MTUS1: variants seen among roughly 807,000 people sequenced by gnomAD.
The protein encoded by MTUS1 is microtubule associated scaffold protein 1.
Under a neutral mutation model 120.8 loss-of-function variants are expected in MTUS1, and 109 were observed. The ratio of observed to expected loss-of-function variants is 0.90; its 90% CI spans 0.77 to 1.06. The LOEUF (loss-of-function observed/expected upper bound fraction) is 1.06. Ranked by LOEUF, MTUS1 falls within the 50% of genes least tolerant of loss-of-function variation. The pLI, the probability that MTUS1 is intolerant of heterozygous loss-of-function variation, is 0.00. For synonymous variants in MTUS1, 737 were observed against 550.5 expected (o/e 1.34, Z -4.74); for missense variants, 2,210 against 1,486.3 (o/e 1.49, Z -8.01).
intron 6 of MTUS1, among the ~76,000 whole-genome samples, chr8:17,695,699 A>AT (rs889156535): frequency 2.0e-5 from 3 of 151,972 alleles, no homozygotes; most frequent in African/African-American, 4.8e-5. Flanking sequence ...TTACAGAACT[A>AT]TTTTTTTTAA....
chr8:17,710,121 T>A (rs2130990259), intron 6 of MTUS1, among the ~76,000 whole-genome samples: 1 of 152,332 alleles, frequency 6.6e-6, no homozygotes, highest in Middle Eastern at 3.4e-3. Context: ...GCCTCAATGT[T>A]GGTGGCTGCT....
intron 2 of MTUS1, 124 bp downstream of exon 2, chr8:17,753,593 C>A: frequency 1.5e-6 from 1 of 649,172 alleles, no homozygotes; most frequent in Non-Finnish European, 2.5e-6. Flanking sequence ...GAATTAACAA[C>A]TAAATGTAAA....
intron 1 of MTUS1, among the ~76,000 whole-genome samples, chr8:17,766,140 C>G (rs2049469602): frequency 6.6e-6 from 1 of 152,074 alleles, no homozygotes; most frequent in South Asian, 2.1e-4. Context: ...TTTTTGTCAC[C>G]AAGTTCAAGT....
At position 17,713,292 on chromosome 8, in the gene MTUS1, T is replaced by G. The variant is rs773591200; in HGVS notation, c.2585-40A>C. 3 of 1,169,990 alleles carry G rather than the reference T, an allele frequency of 2.6e-6. No individual in the cohort carries two copies. In the East Asian group the frequency reaches 7.1e-5, roughly 28 times the overall value. The allele number at this position is 1,169,990 out of a possible 1,614,324, so 72.5% of individuals were successfully genotyped here. On this transcript the variant is annotated intron_variant, in intron 5 of 14. Transcript: ENST00000693296. ...AAACATGTAAAATACATATGTTTTA[T>G]TTGACATATCACATAAAAACAAACC...
At position 17,653,432 on chromosome 8, in the gene MTUS1, G is replaced by A. The variant is rs756186163; in HGVS notation, c.3281C>T (p.Ser1094Leu). ...ATATTGACATTCACCCACCTCTAGC[G>A]ATTCCTGCTTCTCAGAAAGTAAATC... Reference protein sequence around the residue: ...LEDLLSEKQESLEKQINDLKS... With the variant: ...LEDLLSEKQELLEKQINDLKS... The change falls in exon 11 of 15, where the codon TCG becomes TTG. Residue 1094 changes from serine to leucine, a missense_variant. Physicochemically the swap from Ser to Leu is moderately radical, Grantham distance 145. Transcript: ENST00000693296. The A allele has an allele frequency of 8.1e-6, 13 of 1,608,942 alleles. No individual in the cohort carries two copies. Among genetic ancestry groups the A allele is most frequent in the African/African-American group, 4.0e-5 (3 of 74,612 alleles).
chr8:17,797,584 T>C (rs1278521784), intron 1 of MTUS1, among the ~76,000 whole-genome samples: 1 of 152,168 alleles, frequency 6.6e-6, no homozygotes, highest in Non-Finnish European at 1.5e-5. Context: ...CATCTAGTCC[T>C]TCATTTCCTG....
At chr8:17,654,756 G>A (rs1807834295) in intron 9 of MTUS1, 90 bp from the exon 10 acceptor site, 2 of 859,432 alleles carry the variant, frequency 2.3e-6, no homozygotes, top group Non-Finnish European at 3.9e-6. Context: ...AGACGTCACA[G>A]CTTCACAGGT....
At chr8:17,765,544 C>G (rs1208766659) in intron 1 of MTUS1, among the ~76,000 whole-genome samples, 1 of 149,016 alleles carries the variant, frequency 6.7e-6, no homozygotes, top group African/African-American at 2.5e-5. Flanking sequence ...CACTTGAACC[C>G]AGAGGCACAA....
At chr8:17,751,733 C>A (rs937516054) in intron 2 of MTUS1, among the ~76,000 whole-genome samples, 4 of 151,758 alleles carry the variant, frequency 2.6e-5, no homozygotes, top group African/African-American at 9.7e-5. Flanking sequence ...TGGTGCACGC[C>A]TGTAGTCCCA....
Position 17,653,638 on chromosome 8 carries a change from A to G in MTUS1, c.3215-140T>C, listed in dbSNP as rs559823384. 5 of 631,254 alleles carry G rather than the reference A, an allele frequency of 7.9e-6. No homozygotes were observed. In the East Asian group the frequency reaches 1.5e-4, roughly 19 times the overall value. 39.1% of individuals were successfully genotyped at this position (631,254 alleles called of 1,614,324 possible). A position where few individuals can be genotyped will look rare whatever the true frequency, so the allele number is the denominator to read the frequency against. ...TTACATCTATAGTATGCTTTTATGT[A>G]AATTGGCCATCTGTTCTCAAAATGG... On this transcript the variant is annotated intron_variant, in intron 10 of 14. Transcript: ENST00000693296.
At chr8:17,691,101 C>G (rs900602307) in intron 6 of MTUS1, among the ~76,000 whole-genome samples, 2 of 152,180 alleles carry the variant, frequency 1.3e-5, no homozygotes, top group Non-Finnish European at 2.9e-5. Context: ...TCCAGTGTCT[C>G]TTGATGAAAA....
intron 8 of MTUS1, among the ~76,000 whole-genome samples, chr8:17,672,577 T>A (rs982736565): frequency 1.3e-5 from 2 of 152,226 alleles, no homozygotes; most frequent in Non-Finnish European, 2.9e-5. Context: ...GTGTTCTTCC[T>A]GGACCGCTTC....
intron 3 of MTUS1, among the ~76,000 whole-genome samples, chr8:17,740,492 G>GGATCAC (rs2047235778): frequency 1.3e-5 from 2 of 152,178 alleles, no homozygotes; most frequent in Admixed American, 1.3e-4. Flanking sequence ...AATGGCAACA[G>GGATCAC]GATCACGGGG....
intron 6 of MTUS1, chr8:17,705,676 T>A (rs530014942): frequency 1.3e-5 from 2 of 152,368 alleles, no homozygotes; most frequent in South Asian, 4.1e-4. Context: ...CGGCATCACC[T>A]CATCAGCAGG....
chr8:17,647,252 A>G, intron 13 of MTUS1, 173 bp from the exon 14 acceptor site: 1 of 558,468 alleles, frequency 1.8e-6, no homozygotes, highest in East Asian at 3.0e-5. Flanking sequence ...TAAAACAGCA[A>G]AACAGAGCGG....
intron 9 of MTUS1, among the ~76,000 whole-genome samples, chr8:17,655,258 A>C (rs1807952316): frequency 6.6e-6 from 1 of 150,950 alleles, no homozygotes. Flanking sequence ...CAGTGAAAAA[A>C]AAAATGGGAT....
At chr8:17,684,294 G>T in intron 7 of MTUS1, 34 bp downstream of exon 7, 2 of 1,540,662 alleles carry the variant, frequency 1.3e-6, no homozygotes, top group Non-Finnish European at 9.0e-7. Context: ...CCGACCTCAA[G>T]TAGAAAGGCT....
intron 1 of MTUS1, among the ~76,000 whole-genome samples, chr8:17,776,450 G>A (rs748650091): frequency 3.3e-5 from 5 of 151,998 alleles, no homozygotes; most frequent in Non-Finnish European, 7.4e-5. Flanking sequence ...GGGATGCCAA[G>A]GTGGGCGGAT....
In MTUS1 at chr8:17,755,727, A is replaced by T. The variant is rs747601082; in HGVS notation, c.81T>A (p.His27Gln). ...FFTSDKDGNTHAYNPKSPPTQ... is the reference protein window; with the variant it reads ...FFTSDKDGNTQAYNPKSPPTQ... ...TAGGTGGTGATTTCGGGTTGTATGC[A>T]TGTGTATTTCCATCTTTATCACTGG... is the stretch of plus-strand genomic sequence containing the variant. Residue 27 changes from histidine (H) to glutamine (Q), a missense_variant, in exon 2 of 15, where the codon CAT becomes CAA. Coordinates refer to ENST00000693296, the MANE Select transcript of MTUS1 (RefSeq NM_001363059.2). The T allele has an allele frequency of 6.2e-7, 1 of 1,614,122 alleles. No individual in the cohort carries two copies. Among genetic ancestry groups the T allele is most frequent in the Non-Finnish European group, 8.5e-7 (1 of 1,180,008 alleles).
Sources: gnomAD v4.1 joint callset for allele counts (sites outside exome capture counted in the v4.1 genomes callset) on GRCh38, gnomAD v4.1.1 for gene constraint, MANE v1.5 for transcripts, NCBI Gene and HGNC (gene_info 2026-07-23, HGNC 2026-07-21) for gene names.